Variants in PTPRT observed in about 807,000 individuals in gnomAD.
PTPRT encodes receptor-type tyrosine-protein phosphatase T.
Under a neutral mutation model 176.8 loss-of-function variants are expected in PTPRT, and 56 were observed. That is an observed-to-expected ratio of 0.32 (90% CI 0.26 to 0.40). PTPRT has a LOEUF of 0.40. PTPRT is among the 10% of genes least tolerant of loss of function. The pLI is 1.00. For missense variants in PTPRT, 1,540 were observed against 1,908.2 expected, an observed-to-expected ratio of 0.81 and a Z score of 3.60; for synonymous variants, 783 against 739.0, an observed-to-expected ratio of 1.06 and a Z score of -0.96.
chr20:42,323,617 A>T (rs1324978214), intron 11 of PTPRT, among the ~76,000 whole-genome samples: 2 of 151,174 alleles, frequency 1.3e-5, no homozygotes, highest in East Asian at 4.0e-4. Flanking sequence ...GTTGTGGGGT[A>T]GGGGGAGAGG....
intron 7 of PTPRT, among the ~76,000 whole-genome samples, chr20:42,596,179 C>A (rs979552834): frequency 3.3e-5 from 5 of 152,100 alleles, no homozygotes; most frequent in African/African-American, 9.7e-5. Flanking sequence ...CAAGGAGAAG[C>A]TTCCTTGGTA....
intron 1 of PTPRT, among the ~76,000 whole-genome samples, chr20:43,058,286 T>C (rs902616724): frequency 2.0e-5 from 3 of 147,590 alleles, no homozygotes; most frequent in Non-Finnish European, 3.0e-5. Context: ...ATGAGGAAAG[T>C]AGTGAGAGAG....
chr20:43,032,286 A>G (rs1986169037), intron 1 of PTPRT, among the ~76,000 whole-genome samples: 1 of 152,110 alleles, frequency 6.6e-6, no homozygotes, highest in Admixed American at 6.5e-5. Flanking sequence ...CAGTGGTCAC[A>G]TGTGGCCAGT....
chr20:42,480,637 C>G (rs915156524), intron 7 of PTPRT, among the ~76,000 whole-genome samples: 1 of 152,078 alleles, frequency 6.6e-6, no homozygotes, highest in Non-Finnish European at 1.5e-5. Flanking sequence ...TATGATGAAG[C>G]TTGATAAGTC....
chr20:43,118,777 G>A (rs916764276), intron 1 of PTPRT, among the ~76,000 whole-genome samples: 1 of 152,168 alleles, frequency 6.6e-6, no homozygotes, highest in Non-Finnish European at 1.5e-5. Context: ...TAAGGTTTCT[G>A]AACTTAGTGA....
Position 42,197,068 on chromosome 20 carries a change from C to A in PTPRT, c.2491+2172G>T, listed in dbSNP as rs144210102. Among the ~76,000 whole-genome samples, 3 of 152,046 alleles carry A rather than the reference C, an allele frequency of 2.0e-5. No homozygotes were observed. The East Asian group carries it at 5.8e-4, about 29-fold the overall frequency. Reference sequence around the variant, plus strand: ...CTGGATTGTGGAACACTCTGCAGGACGACAGCCCTAGACTTTAAAAAAATG... The same window carrying A: ...CTGGATTGTGGAACACTCTGCAGGAAGACAGCCCTAGACTTTAAAAAAATG... On this transcript the variant is annotated intron_variant, in intron 16 of 30. Coordinates refer to ENST00000373187, the MANE Select transcript of PTPRT (RefSeq NM_007050.6).
intron 2 of PTPRT, among the ~76,000 whole-genome samples, chr20:42,793,065 G>A (rs1239951063): frequency 1.3e-5 from 2 of 152,026 alleles, no homozygotes; most frequent in Non-Finnish European, 2.9e-5. Context: ...GGCCACAGTT[G>A]TCTTACTGGG....
chr20:43,142,834 A>G (rs1410328590), intron 1 of PTPRT, among the ~76,000 whole-genome samples: 1 of 152,202 alleles, frequency 6.6e-6, no homozygotes, highest in Non-Finnish European at 1.5e-5. Context: ...GTCTGGTCAC[A>G]ATCATTAATG....
At chr20:42,155,684 G>A (rs1347495850) in intron 17 of PTPRT, among the ~76,000 whole-genome samples, 2 of 152,090 alleles carry the variant, frequency 1.3e-5, no homozygotes, top group Non-Finnish European at 2.9e-5. Context: ...AATATATATT[G>A]AGAGACTCAA....
chr20:43,112,294 T>C (rs1031485972), intron 1 of PTPRT, among the ~76,000 whole-genome samples: 3 of 152,212 alleles, frequency 2.0e-5, no homozygotes, highest in Non-Finnish European at 4.4e-5. Context: ...CTCATAAATC[T>C]ATCCAACTCT....
At chr20:42,153,523 A>G (rs570754056) in intron 17 of PTPRT, among the ~76,000 whole-genome samples, 68 of 152,294 alleles carry the variant, frequency 4.5e-4, no homozygotes, top group African/African-American at 1.5e-3. Context: ...TACACAAAAA[A>G]CCCACCATGT....
chr20:42,062,146 G>A, the PTPRT span, among the ~76,000 whole-genome samples: 2 of 152,190 alleles, frequency 1.3e-5, no homozygotes, highest in East Asian at 1.9e-4. Flanking sequence ...ATTCCACTTC[G>A]GCAGGCCTTA....
intron 17 of PTPRT, among the ~76,000 whole-genome samples, chr20:42,143,338 G>C (rs1471217775): frequency 6.6e-6 from 1 of 152,006 alleles, no homozygotes; most frequent in Non-Finnish European, 1.5e-5. Context: ...AGTGGATCAC[G>C]AGGTCAGGAG....
chr20:42,571,169 A>G (rs2073147030), intron 7 of PTPRT, among the ~76,000 whole-genome samples: 1 of 152,262 alleles, frequency 6.6e-6, no homozygotes, highest in African/African-American at 2.4e-5. Context: ...TTGCATAACA[A>G]GTGTAAAAAG....
chr20:42,757,908 T>C (rs1305722926), intron 5 of PTPRT, among the ~76,000 whole-genome samples: 2 of 152,198 alleles, frequency 1.3e-5, no homozygotes, highest in Non-Finnish European at 2.9e-5. Context: ...ATTTATCTAC[T>C]ATGTGCCAGC....
chr20:42,142,394 T>A (rs1017000029), intron 17 of PTPRT, among the ~76,000 whole-genome samples: 1 of 152,174 alleles, frequency 6.6e-6, no homozygotes. Context: ...CTAGGAAATA[T>A]AGTAAATGTG....
intron 1 of PTPRT, among the ~76,000 whole-genome samples, chr20:43,035,489 GT>G (rs1986340744): frequency 6.6e-6 from 1 of 152,216 alleles, no homozygotes; most frequent in African/African-American, 2.4e-5. Context: ...TAAGTTGGAC[GT>G]GGTCAGGGTC....
At chr20:42,364,997 G>C (rs1260925430) in intron 9 of PTPRT, among the ~76,000 whole-genome samples, 1 of 152,222 alleles carries the variant, frequency 6.6e-6, no homozygotes, top group Admixed American at 6.5e-5. Context: ...GAAATAGGAT[G>C]TGAGCCACAT....
intron 1 of PTPRT, among the ~76,000 whole-genome samples, chr20:43,185,662 G>A (rs2015372461): frequency 1.3e-5 from 2 of 152,170 alleles, no homozygotes; most frequent in Admixed American, 6.5e-5. Context: ...GGGTGGGCAT[G>A]GTGGCTCACA....
Sources: gnomAD v4.1 joint callset for allele counts (sites outside exome capture counted in the v4.1 genomes callset) on GRCh38, gnomAD v4.1.1 for gene constraint, MANE v1.5 for transcripts, NCBI Gene and HGNC (gene_info 2026-07-23, HGNC 2026-07-21) for gene names.